Variants in POLI observed in about 807,000 individuals in gnomAD.
The protein encoded by POLI is DNA polymerase iota.
A neutral mutation model predicts 51.6 loss-of-function variants in POLI; 58 were observed. That is an observed-to-expected ratio of 1.12 (90% CI 0.91 to 1.40). The LOEUF is 1.40. Ranked by LOEUF, POLI falls within the 40% of genes most tolerant of loss-of-function variation. The pLI, the probability that POLI is intolerant of heterozygous loss-of-function variation, is 0.00. For missense variants in POLI, 921 were observed against 871.3 expected (o/e 1.06, Z -0.72); for synonymous variants, 322 against 299.7 (o/e 1.07, Z -0.77).
rs1213192407 is a variant in POLI at position 54,287,348 on chromosome 18, C to T, written c.1135C>T (p.His379Tyr). ...LIIRRYSSEKHYGRESRQCPI... is the reference protein window; with the variant it reads ...LIIRRYSSEKYYGRESRQCPI... The stretch of plus-strand genomic sequence containing the variant: ...AATCCGTCGGTATTCCTCTGAGAAG[C>T]ACTATGGTCGTGAGAGTCGTCAGTG... The change falls in exon 8 of 10, where the codon CAC becomes TAC. Residue 379 changes from histidine to tyrosine, a missense_variant. His to Tyr is a moderately conservative substitution (Grantham distance 83, BLOSUM62 2). Coordinates refer to ENST00000579534, the MANE Select transcript of POLI (RefSeq NM_007195.3). 6.3e-7 allele frequency: 1 copy of T among 1,597,900 alleles called. No homozygotes were observed. Among genetic ancestry groups the T allele is most frequent in the East Asian group, 2.2e-5 (1 of 44,602 alleles).
intron 5 of POLI, among the ~76,000 whole-genome samples, chr18:54,281,708 A>G (rs1334419889): frequency 6.6e-6 from 1 of 152,002 alleles, no homozygotes; most frequent in Non-Finnish European, 1.5e-5. Flanking sequence ...TACTGGTGCA[A>G]AACATTCTTA....
chr18:54,294,043 G>A lies in POLI; in HGVS notation c.1799G>A (p.Cys600Tyr). 6.2e-7 allele frequency: 1 copy of A among 1,613,216 alleles called. No homozygotes were observed. The highest frequency in any genetic ancestry group is 8.5e-7 in the Non-Finnish European group (1 of 1,179,324). The change falls in exon 10 of 10, where the codon TGT becomes TAT. Residue 600 changes from cysteine to tyrosine, a missense_variant. Physicochemically the swap from Cys to Tyr is radical, Grantham distance 194 (BLOSUM62 -2). Coordinates refer to ENST00000579534, the MANE Select transcript of POLI (RefSeq NM_007195.3). ...SSKQVSSVSPCEPGTSGFNSS... is the reference protein window; with the variant it reads ...SSKQVSSVSPYEPGTSGFNSS... ...AAACAGGTATCCTCTGTATCTCCTTGTGAACCGGGAACATCAGGCTTTAAT... is the reference window on the plus strand; with the variant it reads ...AAACAGGTATCCTCTGTATCTCCTTATGAACCGGGAACATCAGGCTTTAAT...
At chr18:54,277,579 T>C in intron 3 of POLI, 124 bp from the exon 4 acceptor site, 1 of 582,382 alleles carries the variant, frequency 1.7e-6, no homozygotes, top group Admixed American at 3.2e-5. Flanking sequence ...AAAGATATTA[T>C]GGAACTATGA....
chr18:54,315,664 G>T lies in POLI; in HGVS notation c.334-4609G>T, dbSNP rs538029380. ...GTTGGGCGCATATATATTTAGGATT[G>T]TTAAGTCTTCTTGTTGAATTGAACC... On this transcript the variant is annotated intron_variant, in intron 3 of 4. Coordinates refer to the POLI transcript ENST00000579823. Among the ~76,000 whole-genome samples the T allele has an allele frequency of 1.4e-3, 211 of 152,238 alleles. 1 individual carries two copies. The highest frequency in any genetic ancestry group is 4.8e-3 in the African/African-American group (200 of 41,564).
At chr18:54,287,718 A>G (rs1382394137) in intron 8 of POLI, 2 of 202,538 alleles carry the variant, frequency 9.9e-6, no homozygotes, top group Non-Finnish European at 2.0e-5. Context: ...TAGCTGGGAC[A>G]GTAGGTGCAT....
chr18:54,274,062 C>T lies in POLI; in HGVS notation c.378C>T (p.Arg126=). 6.7e-7 allele frequency: 1 copy of T among 1,496,522 alleles called. No individual in the cohort carries two copies. The highest frequency in any genetic ancestry group is 8.9e-7 in the Non-Finnish European group (1 of 1,119,432). The allele number at this position is 1,496,522 out of a possible 1,614,324, so 92.7% of individuals were successfully genotyped here. The change falls in exon 3 of 10, where the codon CGC becomes CGT. Residue 126 remains arginine (R), a synonymous_variant. Transcript: ENST00000579534. ...LVLVNGEDLT[R]YREMSYKVTE... is the part of the protein sequence containing the mutation. ...TAGTTAATGGAGAAGACCTGACCCG[C>T]TACAGAGAAATGTCTTATAAGGTTA...
At chr18:54,276,673 A>T (rs997367042) in intron 3 of POLI, among the ~76,000 whole-genome samples, 1 of 152,324 alleles carries the variant, frequency 6.6e-6, no homozygotes, top group Non-Finnish European at 1.5e-5. Context: ...TCCTGAAAGG[A>T]GGTAATAGTT....
chr18:54,307,611 A>G (rs868756816), intron 3 of POLI, among the ~76,000 whole-genome samples: 1 of 152,186 alleles, frequency 6.6e-6, no homozygotes, highest in Non-Finnish European at 1.5e-5. Flanking sequence ...TGCTTGGTGC[A>G]GAGTTGAGTT....
At chr18:54,283,458 A>G (rs911804587) in intron 6 of POLI, among the ~76,000 whole-genome samples, 4 of 152,140 alleles carry the variant, frequency 2.6e-5, no homozygotes, top group African/African-American at 9.7e-5. Flanking sequence ...GCATCAAGGT[A>G]GGTAGTACTG....
chr18:54,302,215 G>T (rs1305156547), downstream of POLI, among the ~76,000 whole-genome samples: 1 of 152,172 alleles, frequency 6.6e-6, no homozygotes, highest in Non-Finnish European at 1.5e-5. Flanking sequence ...ATGTCTGTCT[G>T]TCTGGCTGGC....
chr18:54,317,344 A>G (rs1338692866), intron 3 of POLI, among the ~76,000 whole-genome samples: 1 of 152,188 alleles, frequency 6.6e-6, no homozygotes, highest in Non-Finnish European at 1.5e-5. Flanking sequence ...TATGTCACTG[A>G]GATTTTGTGA....
At chr18:54,277,645 A>T in intron 3 of POLI, 58 bp from the exon 4 acceptor site, 1 of 1,123,320 alleles carries the variant, frequency 8.9e-7, no homozygotes, top group Non-Finnish European at 1.3e-6. Flanking sequence ...CTAGATAGTT[A>T]AATTTATCCT....
intron 3 of POLI, among the ~76,000 whole-genome samples, chr18:54,309,701 GC>G (rs2088641627): frequency 6.6e-6 from 1 of 152,208 alleles, no homozygotes; most frequent in African/African-American, 2.4e-5. Flanking sequence ...GTCTACAGAG[GC>G]AGGCAGGCCT....
chr18:54,314,850 CT>C (rs1025716733), intron 3 of POLI, among the ~76,000 whole-genome samples: 3 of 152,010 alleles, frequency 2.0e-5, no homozygotes, highest in Non-Finnish European at 4.4e-5. Flanking sequence ...TTTGGATCTT[CT>C]TTTTTTCTTT....
chr18:54,280,936 GTCTTA>G, intron 5 of POLI, 33 bp downstream of exon 5: 1 of 1,101,060 alleles, frequency 9.1e-7, no homozygotes, highest in African/African-American at 1.6e-5. Flanking sequence ...GTACATATAC[GTCTTA>G]TTTTATTTCT....
chr18:54,269,621 C>T lies in POLI; in HGVS notation c.75C>T (p.Ala25=), dbSNP rs180786813. 1,002 of 1,510,684 alleles carry T rather than the reference C, an allele frequency of 6.6e-4. 8 individuals carry two copies. In the African/African-American group the frequency reaches 0.012, roughly 19 times the overall value. The allele number at this position is 1,510,684 out of a possible 1,614,324, so 93.6% of individuals were successfully genotyped here. Reference sequence around the variant, plus strand: ...ACGAGGAAGACGCCGAGGCCTGGGCCATGGAACTGGCGGACGTGGGGGCGG... The same window carrying T: ...ACGAGGAAGACGCCGAGGCCTGGGCTATGGAACTGGCGGACGTGGGGGCGG... ...DDDEEDAEAW[A]MELADVGAAA... is the part of the protein sequence containing the mutation. The change falls in exon 1 of 10, where the codon GCC becomes GCT. Residue 25 remains alanine (A), a synonymous_variant. Coordinates refer to ENST00000579534, the MANE Select transcript of POLI (RefSeq NM_007195.3).
In POLI at chr18:54,293,877, T is replaced by C. The variant is rs753330863; in HGVS notation, c.1633T>C (p.Ser545Pro). The change falls in exon 10 of 10, where the codon TCT becomes CCT. Residue 545 changes from serine to proline, a missense_variant. Transcript: ENST00000579534. The part of the protein sequence containing the change: ...LPVDIQEEIL[S>P]GKSREKFQGK... ...AGTAGATATTCAAGAAGAAATCCTTTCTGGAAAATCTAGGGAAAAATTTCA... is the reference window on the plus strand; with the variant it reads ...AGTAGATATTCAAGAAGAAATCCTTCCTGGAAAATCTAGGGAAAAATTTCA... The C allele has an allele frequency of 1.6e-5, 25 of 1,612,692 alleles. No homozygotes were observed. The highest frequency in any genetic ancestry group is 5.1e-6 in the Non-Finnish European group (6 of 1,179,278).
chr18:54,286,684 C>G (rs2087760369), intron 7 of POLI, among the ~76,000 whole-genome samples: 1 of 152,148 alleles, frequency 6.6e-6, no homozygotes, highest in Admixed American at 6.5e-5. Flanking sequence ...TGGCTTACGT[C>G]TGTAATCCCA....
chr18:54,303,450 T>A (rs2088526869), intron 3 of POLI, among the ~76,000 whole-genome samples: 1 of 152,236 alleles, frequency 6.6e-6, no homozygotes, highest in African/African-American at 2.4e-5. Context: ...ATACAAATAT[T>A]TGAATTATTT....
Sources: allele counts gnomAD v4.1 joint callset (sites outside exome capture counted in the v4.1 genomes callset), GRCh38; gene constraint gnomAD v4.1.1; transcripts MANE v1.5; gene names NCBI Gene and HGNC (gene_info 2026-07-23, HGNC 2026-07-21).